PRKAG2: variants seen among roughly 807,000 people sequenced by gnomAD.
PRKAG2 encodes the protein 5'-AMP-activated protein kinase subunit gamma-2.
Under a neutral mutation model 69.6 loss-of-function variants are expected in PRKAG2, and 26 were observed. The observed-to-expected ratio is 0.37, with a 90% CI of 0.27 to 0.52. The LOEUF (loss-of-function observed/expected upper bound fraction) is 0.52, where lower values mean the gene tolerates loss of function less well. PRKAG2 is among the 20% of genes least tolerant of loss of function. PRKAG2 has a pLI of 0.90. For synonymous variants in PRKAG2, 293 were observed against 285.0 expected (o/e 1.03, Z -0.28); for missense variants, 557 against 740.0 (o/e 0.75, Z 2.87).
chr7:151,838,060 A>AACGCGC (rs2079186514), intron 1 of PRKAG2, among the ~76,000 whole-genome samples: 1 of 152,172 alleles, frequency 6.6e-6, no homozygotes, highest in Non-Finnish European at 1.5e-5. Context: ...GGGCCTCGGG[A>AACGCGC]ACAGGCACCA....
At chr7:151,874,366 TATGTATATG>T (rs770940931) in intron 1 of PRKAG2, among the ~76,000 whole-genome samples, 1,661 of 79,292 alleles carry the variant, frequency 0.021, 132 homozygotes, top group Non-Finnish European at 0.028. Flanking sequence ...TGTATATGTA[TATGTATATG>T]ATGTATATGT....
chr7:151,695,395 G>A (rs962802708), intron 3 of PRKAG2, among the ~76,000 whole-genome samples: 2 of 152,120 alleles, frequency 1.3e-5, no homozygotes, highest in African/African-American at 2.4e-5. Context: ...ATGCCCTCAG[G>A]TGCATTCTTT....
intron 7 of PRKAG2, 110 bp from the exon 8 acceptor site, chr7:151,575,059 C>A: frequency 1.4e-6 from 2 of 1,427,434 alleles, no homozygotes; most frequent in South Asian, 1.3e-5. Flanking sequence ...AAATATACTT[C>A]GAAGATATCA....
chr7:151,773,618 G>A (rs1290009125), intron 3 of PRKAG2, among the ~76,000 whole-genome samples: 1 of 152,208 alleles, frequency 6.6e-6, no homozygotes, highest in Non-Finnish European at 1.5e-5. Flanking sequence ...TTAGCAACAC[G>A]ACATTAGATC....
chr7:151,623,314 A>G (rs1821963624), intron 5 of PRKAG2, among the ~76,000 whole-genome samples: 1 of 130,212 alleles, frequency 7.7e-6, no homozygotes, highest in Admixed American at 9.1e-5. Flanking sequence ...CAGTGAGCCG[A>G]GATTGCGCCA....
intron 1 of PRKAG2, among the ~76,000 whole-genome samples, chr7:151,808,126 T>A (rs1039384899): frequency 4.6e-5 from 7 of 152,106 alleles, no homozygotes; most frequent in Admixed American, 2.0e-4. Flanking sequence ...CTCACTGCAC[T>A]CCAGACTTTG....
intron 5 of PRKAG2, chr7:151,631,507 A>C: frequency 3.7e-6 from 1 of 273,670 alleles, no homozygotes; most frequent in Non-Finnish European, 7.7e-6. Context: ...GAGGGAAAAA[A>C]AACAACCAAG....
chr7:151,704,734 C>A (rs1402624022), intron 3 of PRKAG2, among the ~76,000 whole-genome samples: 1 of 152,226 alleles, frequency 6.6e-6, no homozygotes, highest in Non-Finnish European at 1.5e-5. Context: ...TGCGTATCTA[C>A]TGCAATCCAC....
At chr7:151,726,843 T>C (rs902508024) in intron 3 of PRKAG2, among the ~76,000 whole-genome samples, 2 of 152,146 alleles carry the variant, frequency 1.3e-5, no homozygotes, top group African/African-American at 4.8e-5. Context: ...TCTGTGCTCT[T>C]CTCCATATGC....
intron 4 of PRKAG2, chr7:151,675,045 C>T (rs1832682283): frequency 2.9e-6 from 1 of 349,978 alleles, no homozygotes; most frequent in Admixed American, 3.9e-5. Context: ...CCTCAGCCTC[C>T]CGAGTAGTTG....
At chr7:151,733,020 G>A (rs373804197) in intron 3 of PRKAG2, among the ~76,000 whole-genome samples, 9 of 152,158 alleles carry the variant, frequency 5.9e-5, no homozygotes, top group African/African-American at 1.7e-4. Flanking sequence ...GACAGTGATC[G>A]TTCAGCTGGG....
At chr7:151,665,454 G>C (rs767498657) in intron 4 of PRKAG2, among the ~76,000 whole-genome samples, 1 of 152,192 alleles carries the variant, frequency 6.6e-6, no homozygotes, top group Non-Finnish European at 1.5e-5. Flanking sequence ...TGTTCATTGA[G>C]TCATGATTCC....
rs1245905447 is a variant in PRKAG2, at chr7:151,556,410, A to G, written c.*791T>C. The G allele has an allele frequency of 8.5e-5, 13 of 152,700 alleles. No homozygotes were observed. Among genetic ancestry groups the G allele is most frequent in the Non-Finnish European group, 1.5e-5 (1 of 68,056 alleles). 9.5% of individuals were successfully genotyped at this position (152,700 alleles called of 1,614,324 possible). ...GGCACTTGGCTCCCGCCTGACGGCA[A>G]CGTCTCCTCCACACTTTGAGAGACC... On this transcript the variant is annotated 3_prime_UTR_variant, in exon 16 of 16. Transcript: ENST00000287878.
intron 6 of PRKAG2, among the ~76,000 whole-genome samples, chr7:151,589,132 G>A (rs146186094): frequency 0.01 from 1,581 of 152,324 alleles, 98 homozygotes; most frequent in Admixed American, 0.087. Flanking sequence ...TCCCGTCAGC[G>A]GCTAGCAGGG....
chr7:151,835,622 C>T lies in PRKAG2; in HGVS notation c.114+40885G>A, dbSNP rs1191961085. Among the ~76,000 whole-genome samples, 2 of 152,180 alleles carry T rather than the reference C, an allele frequency of 1.3e-5. No individual in the cohort carries two copies. The highest frequency in any genetic ancestry group is 2.1e-4 in the South Asian group (1 of 4,828). ...TAAGCTCGCCTTTAGGAACCACTCT[C>T]GTTGTGGTTTTAAATTGTCATCACT... is the stretch of plus-strand genomic sequence containing the variant. On this transcript the variant is annotated intron_variant, in intron 1 of 15. Coordinates refer to ENST00000287878, the MANE Select transcript of PRKAG2 (RefSeq NM_016203.4). This position sits in a 1 kb window ranked among gnomAD's most constrained non-coding sequence, Gnocchi z 4.1.
chr7:151,867,769 C>G (rs2080115315), intron 1 of PRKAG2, among the ~76,000 whole-genome samples: 1 of 152,194 alleles, frequency 6.6e-6, no homozygotes, highest in Non-Finnish European at 1.5e-5. Context: ...CTGGTCCCAG[C>G]ACTAACCCTG....
chr7:151,730,683 G>A (rs1224108368), intron 3 of PRKAG2, among the ~76,000 whole-genome samples: 1 of 152,174 alleles, frequency 6.6e-6, no homozygotes, highest in African/African-American at 2.4e-5. Flanking sequence ...CTGGATGGGG[G>A]CGGGAGAGAC....
At chr7:151,773,023 A>AAGAAAGAG (rs1563639223) in intron 3 of PRKAG2, among the ~76,000 whole-genome samples, 19 of 55,096 alleles carry the variant, frequency 3.4e-4, no homozygotes, top group Non-Finnish European at 5.3e-4. Flanking sequence ...GAAAGAAAGA[A>AAGAAAGAG]AGAGAGAGAG....
intron 4 of PRKAG2, among the ~76,000 whole-genome samples, chr7:151,671,432 G>A (rs920119153): frequency 1.3e-5 from 2 of 152,098 alleles, no homozygotes; most frequent in African/African-American, 4.8e-5. Flanking sequence ...AACAGAATCA[G>A]CCAAGCACAT....
Sources: gnomAD v4.1 joint callset for allele counts (sites outside exome capture counted in the v4.1 genomes callset) on GRCh38, gnomAD v4.1.1 for gene constraint, Gnocchi (gnomAD v3.1) non-coding constraint, MANE v1.5 for transcripts, NCBI Gene and HGNC (gene_info 2026-07-23, HGNC 2026-07-21) for gene names.